The following ALG1 variants were observed in gnomAD, a reference collection of about 807,000 sequenced individuals.
ALG1 encodes the protein ALG1 chitobiosyldiphosphodolichol beta-mannosyltransferase.
In ALG1, 58 loss-of-function variants were observed where a neutral mutation model predicts 55.1. The observed-to-expected ratio is 1.05, with a 90% confidence interval of 0.85 to 1.31. The LOEUF (loss-of-function observed/expected upper bound fraction) is 1.31. Among genes scored for constraint, ALG1 ranks in the 50% most tolerant of loss-of-function variants. The pLI, the probability that ALG1 is intolerant of heterozygous loss-of-function variation, is 0.00. For synonymous variants in ALG1, 309 were observed against 247.0 expected (o/e 1.25, Z -2.35); for missense variants, 761 against 598.6 (o/e 1.27, Z -2.83).
chr16:5,073,160 C>T lies in ALG1; in HGVS notation c.294C>T (p.Pro98=). 3 of 1,614,126 alleles carry T rather than the reference C, an allele frequency of 1.9e-6. No individual in the cohort carries two copies. The highest frequency in any genetic ancestry group is 2.5e-6 in the Non-Finnish European group (3 of 1,180,016). The change falls in exon 3 of 13, where the codon CCC becomes CCT. Residue 98 remains proline, a synonymous_variant. Coordinates refer to ENST00000262374, the MANE Select transcript of ALG1 (RefSeq NM_019109.5). ...GTGTTTTCTGACTTGCAGTTGGGCCCCGAGTTTTCCAGTACGGAGTCAAAG... is the reference window on the plus strand; with the variant it reads ...GTGTTTTCTGACTTGCAGTTGGGCCTCGAGTTTTCCAGTACGGAGTCAAAG... ...LTELQSLAVG[P]RVFQYGVKVV...
Position 5,072,055 on chromosome 16 carries a change from G to C in ALG1, c.206G>C (p.Cys69Ser). The change falls in exon 1 of 13, where the codon TGC becomes TCC. Residue 69 changes from cysteine to serine, a missense_variant and splice_region_variant. Physicochemically the swap from Cys to Ser is moderately radical, Grantham distance 112 (BLOSUM62 -1). Coordinates refer to ENST00000262374, the MANE Select transcript of ALG1 (RefSeq NM_019109.5). ...TTCTCGGTGACCCTCCTGGGGTTCT[G>C]CAGTGAGTGGCCAAGGGTCTGGGAG... Reference protein sequence around the residue: ...HGFSVTLLGFCNSKPHDELLQ... With the variant: ...HGFSVTLLGFSNSKPHDELLQ... 3.8e-6 allele frequency: 6 copies of C among 1,559,330 alleles called. No homozygotes were observed. The highest frequency in any genetic ancestry group is 5.2e-6 in the Non-Finnish European group (6 of 1,154,100).
intron 3 of ALG1, among the ~76,000 whole-genome samples, chr16:5,074,991 C>A (rs1037565065): frequency 6.6e-6 from 1 of 152,174 alleles, no homozygotes; most frequent in Non-Finnish European, 1.5e-5. Context: ...GCAGCCTCAT[C>A]CTCCTGGGCT....
rs375422039 is a variant in ALG1, at chr16:5,077,931, C to T, written c.654C>T (p.Pro218=). The T allele has an allele frequency of 3.4e-5, 55 of 1,607,730 alleles. No individual in the cohort carries two copies. Among genetic ancestry groups the T allele is most frequent in the Admixed American group, 1.5e-4 (9 of 59,990 alleles). ...GGGCTGTGACCGTCTACGACAAGCC[C>T]GCATCTTTCTTTAAAGAGACACCTC... is the stretch of plus-strand genomic sequence containing the variant. ...HIRAVTVYDK[P]ASFFKETPLD... is the part of the protein sequence containing the mutation. Residue 218 remains proline, a synonymous_variant, in exon 6 of 13, where the codon CCC becomes CCT. Transcript: ENST00000262374.
Position 5,079,173 on chromosome 16 carries a change from C to T in ALG1, c.901+71C>T, listed in dbSNP as rs1846688. The T allele has an allele frequency of 0.52, 815,924 of 1,565,058 alleles. 214,963 individuals are homozygous for T. Among genetic ancestry groups the T allele is most frequent in the South Asian group, 0.66 (57,887 of 88,278 alleles). On this transcript the variant is annotated intron_variant, in intron 8 of 12. Coordinates refer to ENST00000262374, the MANE Select transcript of ALG1 (RefSeq NM_019109.5). ...ACTGAGCTGTAAGCTGCTTGCCTGG[C>T]CTGCAGCATGTTCCTGTCCCAGGCC... is the stretch of plus-strand genomic sequence containing the variant.
At chr16:5,079,206 G>A in intron 8 of ALG1, 104 bp downstream of exon 8, 2 of 1,434,486 alleles carry the variant, frequency 1.4e-6, no homozygotes, top group Non-Finnish European at 9.5e-7. Flanking sequence ...GCCACTGGGT[G>A]GGGCAGCCTG....
In ALG1 at chr16:5,076,521, A is replaced by G. The variant is rs148440652; in HGVS notation, c.540-924A>G. On this transcript the variant is annotated intron_variant, in intron 4 of 12. Coordinates refer to ENST00000262374, the MANE Select transcript of ALG1 (RefSeq NM_019109.5). ...GCCACACAGCTAAGTGTGAGGACCA[A>G]AATATCCCAGGCAAGCCCATTTCCG... 1.5e-4 allele frequency among the ~76,000 whole-genome samples: 23 copies of G among 152,328 alleles called. No individual in the cohort carries two copies. The East Asian group carries it at 4.4e-3, about 29-fold the overall frequency.
intron 3 of ALG1, 58 bp from the exon 4 acceptor site, chr16:5,075,329 TG>T: frequency 6.4e-7 from 1 of 1,568,658 alleles, no homozygotes; most frequent in Non-Finnish European, 8.8e-7. Context: ...CTATTTTTAC[TG>T]GGTTTATTGC....
In ALG1 at chr16:5,073,011, A is replaced by T. The variant is rs1956845456; in HGVS notation, c.269A>T (p.Glu90Val). 6.2e-7 allele frequency: 1 copy of T among 1,614,096 alleles called. No individual in the cohort carries two copies. Among genetic ancestry groups the T allele is most frequent in the African/African-American group, 1.3e-5 (1 of 74,934 alleles). The change falls in exon 2 of 13, where the codon GAA (glutamate) becomes GTA (valine). Residue 90 changes from glutamate (E) to valine (V), a missense_variant. Glu to Val is a moderately radical substitution (Grantham distance 121). Coordinates refer to ENST00000262374, the MANE Select transcript of ALG1 (RefSeq NM_019109.5). ...AGAATTCAGATTGTGGGGTTGACAG[A>T]ACTTCAGAGTCTTGCAGGTAGGATG... ...NNRIQIVGLT[E>V]LQSLAVGPRV...
intron 6 of ALG1, 62 bp from the exon 7 acceptor site, chr16:5,078,695 G>A (rs2142715432): frequency 1.2e-6 from 2 of 1,611,640 alleles, no homozygotes; most frequent in East Asian, 4.5e-5. Flanking sequence ...GGCAGGAGAT[G>A]CCTCTCCTGG....
At chr16:5,084,694 C>G (rs1416107864) in intron 12 of ALG1, 56 bp from the exon 13 acceptor site, 3 of 1,595,104 alleles carry the variant, frequency 1.9e-6, no homozygotes, top group Non-Finnish European at 2.5e-6. Context: ...AGGTGGTGAC[C>G]TGGGATGGGG....
rs867547136 is a variant in ALG1, at chr16:5,085,351, A to G, written c.*470A>G. On this transcript the variant is annotated 3_prime_UTR_variant, in exon 13 of 13. Coordinates refer to ENST00000262374, the MANE Select transcript of ALG1 (RefSeq NM_019109.5). ...TGGGGGAACATCATACTTGATACAC[A>G]CGTTTTTATTTGCACAAAGAAAATG... The G allele has an allele frequency of 7.8e-6, 4 of 515,676 alleles. No homozygotes were observed. The Middle Eastern group carries it at 1.7e-3, about 219-fold the overall frequency. 31.9% of individuals were successfully genotyped at this position (515,676 alleles called of 1,614,324 possible).
At chr16:5,075,203 C>G (rs755336109) in intron 3 of ALG1, among the ~76,000 whole-genome samples, 185 bp from the exon 4 acceptor site, 6 of 152,170 alleles carry the variant, frequency 3.9e-5, no homozygotes, top group African/African-American at 1.2e-4. Context: ...CGCACCTGGC[C>G]CATTCTGTTT....
At chr16:5,074,439 C>T (rs892713478) in intron 3 of ALG1, among the ~76,000 whole-genome samples, 5 of 152,162 alleles carry the variant, frequency 3.3e-5, no homozygotes, top group African/African-American at 7.2e-5. Context: ...CATGAACCAT[C>T]GTGACCCACA....
chr16:5,085,163 C>T lies in ALG1; in HGVS notation c.*282C>T. 3 of 599,700 alleles carry T rather than the reference C, an allele frequency of 5.0e-6. No homozygotes were observed. The highest frequency in any genetic ancestry group is 4.1e-5 in the South Asian group (2 of 49,146). 37.1% of individuals were successfully genotyped at this position (599,700 alleles called of 1,614,324 possible). A position where few individuals can be genotyped will look rare whatever the true frequency, so the allele number is the denominator to read the frequency against. On this transcript the variant is annotated 3_prime_UTR_variant, in exon 13 of 13. Coordinates refer to ENST00000262374, the MANE Select transcript of ALG1 (RefSeq NM_019109.5). ...CTGTTCTGTGACTTCCCTGTGACCTCTGCAGAACTCCTCATCCTGCGTTTG... is the reference window on the plus strand; with the variant it reads ...CTGTTCTGTGACTTCCCTGTGACCTTTGCAGAACTCCTCATCCTGCGTTTG...
rs762145426 is a variant in ALG1 at position 5,084,872 on chromosome 16, G to C, written c.1386G>C (p.Met462Ile). 2 of 1,595,080 alleles carry C rather than the reference G, an allele frequency of 1.3e-6. No individual in the cohort carries two copies. Among genetic ancestry groups the C allele is most frequent in the East Asian group, 4.5e-5 (2 of 44,850 alleles). Residue 462 changes from methionine (M) to isoleucine (I), a missense_variant, in exon 13 of 13, where the codon ATG (methionine) becomes ATC (isoleucine). Physicochemically the swap from Met to Ile is conservative, Grantham distance 10. Transcript: ENST00000262374. ...TGCAGACTGTGCTCCCTTTGGTTAT[G>C]GACACATAACTCCTGGGCCAGAGGC... ...SWVQTVLPLVMDT is the reference protein window; with the variant it reads ...SWVQTVLPLVIDT
intron 12 of ALG1, chr16:5,084,458 C>T: frequency 3.5e-6 from 2 of 566,740 alleles, no homozygotes; most frequent in East Asian, 3.1e-5. Flanking sequence ...CTGCGTTGGC[C>T]AGAGGCCGAG....
intron 6 of ALG1, 68 bp downstream of exon 6, chr16:5,078,085 G>A (rs878932059): frequency 1.3e-6 from 2 of 1,545,166 alleles, no homozygotes; most frequent in South Asian, 2.2e-5. Context: ...CCTTCTCACT[G>A]CAGACCTGGG....
rs1194204841 is a variant in ALG1, at chr16:5,071,889, C to CT, written c.41dup (p.Leu15AlafsTer61). 1 of 1,599,562 alleles carries CT rather than the reference C, an allele frequency of 6.3e-7. No individual in the cohort carries two copies. Among genetic ancestry groups the CT allele is most frequent in the East Asian group, 2.3e-5 (1 of 44,224 alleles). ...CTTGGTCCTGCTGGCGCTGTGTCTG[C>CT]TGCTGCCGCTGCTGCTGCTGGGAGG... On this transcript the variant is annotated frameshift_variant, in exon 1 of 13. Coordinates refer to ENST00000262374, the MANE Select transcript of ALG1 (RefSeq NM_019109.5). LOFTEE classifies it high-confidence loss of function.
intron 3 of ALG1, among the ~76,000 whole-genome samples, chr16:5,074,411 G>C (rs1316411455): frequency 3.3e-5 from 5 of 151,962 alleles, no homozygotes; most frequent in Non-Finnish European, 7.4e-5. Context: ...CGGCCTCCCA[G>C]ATTGCTGGGA....
Sources: gnomAD v4.1 joint callset for allele counts (sites outside exome capture counted in the v4.1 genomes callset) on GRCh38, gnomAD v4.1.1 for gene constraint, MANE v1.5 for transcripts, NCBI Gene and HGNC (gene_info 2026-07-23, HGNC 2026-07-21) for gene names.